OSTC: variants seen among roughly 807,000 people sequenced by gnomAD.
OSTC encodes oligosaccharyltransferase complex non-catalytic subunit, also known as oligosaccharyltransferase complex subunit OSTC.
A neutral mutation model predicts 16.4 loss-of-function variants in OSTC; 16 were observed. That is an observed-to-expected ratio of 0.98 (90% confidence interval 0.66 to 1.49). The LOEUF is 1.49. Among genes scored for constraint, OSTC ranks in the 40% most tolerant of loss-of-function variants. The pLI, the probability that OSTC is intolerant of heterozygous loss-of-function variation, is 0.00. For synonymous variants in OSTC, 67 were observed against 68.5 expected (o/e 0.98, Z 0.11); for missense variants, 139 against 186.3 (o/e 0.75, Z 1.48).
intron 3 of OSTC, among the ~76,000 whole-genome samples, chr4:108,658,495 CTT>C (rs909372629): frequency 1.3e-5 from 2 of 151,496 alleles, no homozygotes; most frequent in African/African-American, 4.9e-5. Context: ...ATTCAGAAAA[CTT>C]TTCAATATCT....
chr4:108,662,173 A>T (rs1479636936), intron 3 of OSTC, among the ~76,000 whole-genome samples: 2 of 152,234 alleles, frequency 1.3e-5, no homozygotes, highest in Non-Finnish European at 2.9e-5. Context: ...TCTTCTGGAT[A>T]AATCCTGAGA....
At chr4:108,666,333 C>T (rs988643050) in intron 3 of OSTC, among the ~76,000 whole-genome samples, 1 of 152,146 alleles carries the variant, frequency 6.6e-6, no homozygotes, top group Non-Finnish European at 1.5e-5. Flanking sequence ...GATTCTGACT[C>T]TTAACTTTAA....
rs761297929 is a variant in OSTC at position 108,650,685 on chromosome 4, A to C, written c.30A>C (p.Leu10Phe). 6.8e-6 allele frequency: 11 copies of C among 1,614,128 alleles called. No individual in the cohort carries two copies. The highest frequency in any genetic ancestry group is 1.1e-5 in the South Asian group (1 of 91,080). Residue 10 changes from leucine to phenylalanine, a missense_variant, in exon 1 of 4, where the codon TTA (leucine) becomes TTC (phenylalanine). Transcript: ENST00000361564. Reference sequence around the variant, plus strand: ...AGACTTTGTACCGTGTCCCGTTCTTAGTGCTCGAATGTCCCAACCTGAAGC... The same window carrying C: ...AGACTTTGTACCGTGTCCCGTTCTTCGTGCTCGAATGTCCCAACCTGAAGC... METLYRVPF[L>F]VLECPNLKLK...
intron 3 of OSTC, among the ~76,000 whole-genome samples, chr4:108,661,995 G>A (rs1180610118): frequency 1.3e-5 from 2 of 152,190 alleles, no homozygotes; most frequent in Non-Finnish European, 2.9e-5. Flanking sequence ...GAGATGGAGG[G>A]ATGGGTTCCT....
At chr4:108,654,736 G>A (rs886805525) in intron 1 of OSTC, among the ~76,000 whole-genome samples, 1 of 152,228 alleles carries the variant, frequency 6.6e-6, no homozygotes, top group Non-Finnish European at 1.5e-5. Context: ...TATTAGTGCT[G>A]ATGAACATTA....
chr4:108,664,783 G>A lies in OSTC; in HGVS notation c.432-2464G>A, dbSNP rs186136555. Reference sequence around the variant, plus strand: ...TAATTTTTGTATTTTTAGTAGAGACGGGGTTTCACTGTGTTGGCCAGGATG... The same window carrying A: ...TAATTTTTGTATTTTTAGTAGAGACAGGGTTTCACTGTGTTGGCCAGGATG... On this transcript the variant is annotated intron_variant, in intron 3 of 3. Transcript: ENST00000361564. Among the ~76,000 whole-genome samples, 762 of 152,090 alleles carry A rather than the reference G, an allele frequency of 5.0e-3. 4 individuals are homozygous for A. The highest frequency in any genetic ancestry group is 0.017 in the African/African-American group (688 of 41,482).
chr4:108,655,474 G>A (rs1726676470), intron 1 of OSTC, 90 bp from the exon 2 acceptor site: 30 of 444,534 alleles, frequency 6.7e-5, no homozygotes, highest in Admixed American at 1.2e-4. Flanking sequence ...CTCAAAAAAA[G>A]TAAATGAACC....
intron 2 of OSTC, among the ~76,000 whole-genome samples, chr4:108,655,942 CT>C (rs939199344): frequency 8.6e-5 from 13 of 151,252 alleles, no homozygotes; most frequent in Non-Finnish European, 1.5e-4. Flanking sequence ...ACTATAGCTG[CT>C]TTTTTTTTCT....
At chr4:108,663,434 A>C (rs1038479035) in intron 3 of OSTC, 1 of 311,374 alleles carries the variant, frequency 3.2e-6, no homozygotes, top group Non-Finnish European at 6.3e-6. Flanking sequence ...TGATCTCCTA[A>C]CCTCGTGATC....
At chr4:108,661,246 T>C (rs1039536528) in intron 3 of OSTC, among the ~76,000 whole-genome samples, 1 of 149,070 alleles carries the variant, frequency 6.7e-6, no homozygotes, top group African/African-American at 2.5e-5. Context: ...GAATAAAGAA[T>C]GATTGTTTAT....
rs1408609637 is a variant in OSTC at position 108,667,545 on chromosome 4, C to T, written c.*280C>T. On this transcript the variant is annotated 3_prime_UTR_variant, in exon 4 of 4. Coordinates refer to ENST00000361564, the MANE Select transcript of OSTC (RefSeq NM_021227.4). The stretch of plus-strand genomic sequence containing the variant: ...TTTTAGTTTTTCATTAAAATATATT[C>T]CATATCTACAACTATAATATCAAAT... The T allele has an allele frequency of 9.8e-6, 3 of 305,016 alleles. No individual in the cohort carries two copies. The highest frequency in any genetic ancestry group is 4.3e-5 in the African/African-American group (2 of 46,476). The allele number at this position is 305,016 out of a possible 1,614,324, so 18.9% of individuals were successfully genotyped here. A position where few individuals can be genotyped will look rare whatever the true frequency, so the allele number is the denominator to read the frequency against.
intron 3 of OSTC, among the ~76,000 whole-genome samples, chr4:108,665,245 A>T (rs756052998): frequency 6.6e-6 from 1 of 152,204 alleles, no homozygotes; most frequent in Non-Finnish European, 1.5e-5. Context: ...AGCAGCTAAC[A>T]TTTGTGAAGT....
At chr4:108,661,397 G>A (rs1024786361) in intron 3 of OSTC, among the ~76,000 whole-genome samples, 1 of 152,064 alleles carries the variant, frequency 6.6e-6, no homozygotes, top group Non-Finnish European at 1.5e-5. Flanking sequence ...TAATGTATGT[G>A]AAATCATGTA....
Position 108,650,618 on chromosome 4 carries a change from G to C in OSTC, c.-38G>C. On this transcript the variant is annotated 5_prime_UTR_variant, in exon 1 of 4. Coordinates refer to ENST00000361564, the MANE Select transcript of OSTC (RefSeq NM_021227.4). ...GCGGGCCTGTTTCCGGGAGGCGCGT[G>C]GGGCTTGAGGCCGAGAACGGCCCTT... is the stretch of plus-strand genomic sequence containing the variant. The C allele has an allele frequency of 6.2e-7, 1 of 1,607,650 alleles. No homozygotes were observed. Among genetic ancestry groups the C allele is most frequent in the Non-Finnish European group, 8.5e-7 (1 of 1,175,958 alleles).
At chr4:108,658,643 G>A (rs1381775597) in intron 3 of OSTC, among the ~76,000 whole-genome samples, 2 of 152,040 alleles carry the variant, frequency 1.3e-5, no homozygotes, top group Non-Finnish European at 2.9e-5. Context: ...CTACAGTAAC[G>A]ACAGGAAATT....
At chr4:108,665,795 T>G (rs1339546920) in intron 3 of OSTC, among the ~76,000 whole-genome samples, 1 of 151,970 alleles carries the variant, frequency 6.6e-6, no homozygotes, top group Non-Finnish European at 1.5e-5. Flanking sequence ...CCTGACCTGG[T>G]GCTCCACCTA....
intron 3 of OSTC, among the ~76,000 whole-genome samples, chr4:108,666,875 C>T (rs918034452): frequency 2.7e-5 from 4 of 147,670 alleles, no homozygotes; most frequent in African/African-American, 2.5e-5. Flanking sequence ...TGTGGTGGCA[C>T]GCGCCTGTAA....
Position 108,657,462 on chromosome 4 carries a change from A to G in OSTC, c.246A>G (p.Gln82=), listed in dbSNP as rs758421862. The G allele has an allele frequency of 1.1e-5, 17 of 1,610,870 alleles. No individual in the cohort carries two copies. The African/African-American group carries it at 1.1e-4, about 10-fold the overall frequency. Residue 82 remains glutamine, a synonymous_variant, in exon 3 of 4, where the codon CAA becomes CAG. Coordinates refer to ENST00000361564, the MANE Select transcript of OSTC (RefSeq NM_021227.4). Reference sequence around the variant, plus strand: ...TTTTCTTTTCCAGAGTAAATGGACAATATATTATGGAAGGACTTGCATCCA... The same window carrying G: ...TTTTCTTTTCCAGAGTAAATGGACAGTATATTATGGAAGGACTTGCATCCA... The part of the protein sequence containing the change: ...VAFLAYRVNG[Q]YIMEGLASSF...
rs143238747 is a variant in OSTC at position 108,658,453 on chromosome 4, G to A, written c.431+806G>A. ...TGTGTGTGTGTGTGTGTGTATGTGT[G>A]CGTGTTTAATGTGTATTTAAAGATT... is the stretch of plus-strand genomic sequence containing the variant. On this transcript the variant is annotated intron_variant, in intron 3 of 3. Coordinates refer to ENST00000361564, the MANE Select transcript of OSTC (RefSeq NM_021227.4). 1.4e-3 allele frequency among the ~76,000 whole-genome samples: 178 copies of A among 131,738 alleles called. 5 individuals are homozygous for A. The East Asian group carries it at 0.037, about 27-fold the overall frequency. 86.4% of individuals were successfully genotyped at this position (131,738 alleles called of 152,430 possible). A position where few individuals can be genotyped will look rare whatever the true frequency, so the allele number is the denominator to read the frequency against.
Sources: gnomAD v4.1 joint callset for allele counts (sites outside exome capture counted in the v4.1 genomes callset) on GRCh38, gnomAD v4.1.1 for gene constraint, MANE v1.5 for transcripts, NCBI Gene and HGNC (gene_info 2026-07-23, HGNC 2026-07-21) for gene names.